NELL1: variants seen among roughly 807,000 people sequenced by gnomAD.
The protein encoded by NELL1 is protein kinase C-binding protein NELL1.
A neutral mutation model predicts 107.4 loss-of-function variants in NELL1; 76 were observed. The ratio of observed to expected loss-of-function variants is 0.71; its 90% CI spans 0.59 to 0.86. NELL1 has a LOEUF of 0.86. Among genes scored for constraint, NELL1 ranks in the 40% least tolerant of loss-of-function variants. NELL1 has a pLI of 0.00. For synonymous variants in NELL1, 353 were observed against 341.2 expected, an observed-to-expected ratio of 1.03 and a Z score of -0.38; for missense variants, 1,024 against 1,005.5, an observed-to-expected ratio of 1.02 and a Z score of -0.25.
chr11:21,439,249 A>T (rs1295032333), intron 15 of NELL1, among the ~76,000 whole-genome samples: 1 of 152,166 alleles, frequency 6.6e-6, no homozygotes, highest in Admixed American at 6.5e-5. Context: ...TGCTAACCAA[A>T]CTTCCAGTCT....
At chr11:21,164,574 T>A (rs1345227684) in intron 13 of NELL1, among the ~76,000 whole-genome samples, 1 of 152,232 alleles carries the variant, frequency 6.6e-6, no homozygotes, top group East Asian at 1.9e-4. Flanking sequence ...ACTACATTTT[T>A]AATCTATTAT....
At chr11:21,231,513 A>G (rs1858049622) in intron 14 of NELL1, among the ~76,000 whole-genome samples, 1 of 152,228 alleles carries the variant, frequency 6.6e-6, no homozygotes, top group Non-Finnish European at 1.5e-5. Context: ...TATCAAGCCC[A>G]CTGCTGGTAC....
chr11:20,756,337 T>A (rs954319609), intron 2 of NELL1, among the ~76,000 whole-genome samples: 3 of 151,404 alleles, frequency 2.0e-5, no homozygotes, highest in East Asian at 3.9e-4. Context: ...ATAATTCCTT[T>A]TTTATTTATT....
At chr11:21,422,099 G>A (rs991977222) in intron 15 of NELL1, among the ~76,000 whole-genome samples, 30 of 7,036 alleles carry the variant, frequency 4.3e-3, no homozygotes, top group African/African-American at 8.9e-3. Flanking sequence ...ACACATATGT[G>A]TGTGTGTGTG....
chr11:20,928,652 G>A (rs1850552593), intron 9 of NELL1, among the ~76,000 whole-genome samples, 173 bp downstream of exon 9: 1 of 152,068 alleles, frequency 6.6e-6, no homozygotes, highest in African/African-American at 2.4e-5. Context: ...CTTGCAATGT[G>A]GCAGACACTT....
intron 15 of NELL1, among the ~76,000 whole-genome samples, chr11:21,420,846 G>A (rs949209932): frequency 7.2e-5 from 11 of 152,142 alleles, no homozygotes; most frequent in Non-Finnish European, 1.3e-4. Context: ...TTATTTGGCA[G>A]TCTGGCACTT....
intron 14 of NELL1, among the ~76,000 whole-genome samples, chr11:21,281,636 A>G (rs1456622345): frequency 5.9e-5 from 9 of 152,156 alleles, no homozygotes; most frequent in Admixed American, 5.2e-4. Context: ...CTGACCCAGC[A>G]TAGTTCCAGT....
At chr11:20,689,047 A>G (rs1333189018) in intron 2 of NELL1, among the ~76,000 whole-genome samples, 2 of 151,950 alleles carry the variant, frequency 1.3e-5, no homozygotes, top group African/African-American at 2.4e-5. Flanking sequence ...TCATATGCTT[A>G]TTGGCCGCTT....
intron 12 of NELL1, among the ~76,000 whole-genome samples, chr11:21,047,043 T>C (rs537937419): frequency 4.1e-4 from 62 of 152,158 alleles, no homozygotes; most frequent in African/African-American, 1.5e-3. Flanking sequence ...GTTAAAAGCT[T>C]ATATTTGTTT....
chr11:21,364,137 G>A lies in NELL1; in HGVS notation c.1550-6716G>A, dbSNP rs7109211. Among the ~76,000 whole-genome samples the A allele has an allele frequency of 7.0e-3, 1,070 of 152,184 alleles. 7 individuals are homozygous for A. Among genetic ancestry groups the A allele is most frequent in the African/African-American group, 0.025 (1,024 of 41,522 alleles). ...TAATGTAAAAGACTTCAGGCCAGGCGTGGTGGCTCACGCCTGTAATCCCAG... is the reference window on the plus strand; with the variant it reads ...TAATGTAAAAGACTTCAGGCCAGGCATGGTGGCTCACGCCTGTAATCCCAG... On this transcript the variant is annotated intron_variant, in intron 14 of 19. Coordinates refer to ENST00000357134, the MANE Select transcript of NELL1 (RefSeq NM_006157.5).
At chr11:21,438,259 G>GTTTT (rs35035702) in intron 15 of NELL1, among the ~76,000 whole-genome samples, 1 of 150,464 alleles carries the variant, frequency 6.6e-6, no homozygotes, top group Non-Finnish European at 1.5e-5. Flanking sequence ...TTACATGACA[G>GTTTT]TTTTTTTGTT....
intron 3 of NELL1, among the ~76,000 whole-genome samples, chr11:20,833,718 T>G (rs541538301): frequency 6.6e-6 from 1 of 152,310 alleles, no homozygotes; most frequent in Admixed American, 6.5e-5. Context: ...GTCAATGGAC[T>G]TCCTGGGGAG....
intron 15 of NELL1, among the ~76,000 whole-genome samples, chr11:21,437,628 G>A (rs1853158428): frequency 6.6e-6 from 1 of 152,134 alleles, no homozygotes; most frequent in Admixed American, 6.5e-5. Context: ...CAAAATGCTG[G>A]GATTACAGGC....
chr11:21,217,632 C>A (rs1005008870), intron 13 of NELL1, among the ~76,000 whole-genome samples: 53 of 152,108 alleles, frequency 3.5e-4, no homozygotes, highest in African/African-American at 1.2e-3. Flanking sequence ...AGGAAAAGTG[C>A]CTTACATGCT....
intron 15 of NELL1, among the ~76,000 whole-genome samples, chr11:21,390,238 G>A (rs559503764): frequency 5.0e-4 from 75 of 151,386 alleles, no homozygotes; most frequent in African/African-American, 1.8e-3. Flanking sequence ...TTTATTTATT[G>A]TGCTACCTGT....
chr11:21,185,684 G>T (rs1856921103), intron 13 of NELL1, among the ~76,000 whole-genome samples: 1 of 151,774 alleles, frequency 6.6e-6, no homozygotes, highest in Non-Finnish European at 1.5e-5. Flanking sequence ...CTGCTTCCCA[G>T]CTCACAGGGT....
At chr11:21,211,210 A>C (rs1470799261) in intron 13 of NELL1, among the ~76,000 whole-genome samples, 1 of 152,202 alleles carries the variant, frequency 6.6e-6, no homozygotes, top group Non-Finnish European at 1.5e-5. Context: ...TCACTCAAGG[A>C]AATTAAAAGT....
At chr11:21,107,744 C>A (rs902219955) in intron 12 of NELL1, among the ~76,000 whole-genome samples, 2 of 152,144 alleles carry the variant, frequency 1.3e-5, no homozygotes, top group African/African-American at 4.8e-5. Context: ...GACAAAATAC[C>A]TGAATGTGTC....
At chr11:20,862,014 T>G (rs1372260650) in intron 4 of NELL1, among the ~76,000 whole-genome samples, 2 of 152,218 alleles carry the variant, frequency 1.3e-5, no homozygotes, top group Non-Finnish European at 2.9e-5. Context: ...TTTAGAAGTT[T>G]AGATAAAGCC....
Sources: allele counts gnomAD v4.1 joint callset (sites outside exome capture counted in the v4.1 genomes callset), GRCh38; gene constraint gnomAD v4.1.1; transcripts MANE v1.5; gene names NCBI Gene and HGNC (gene_info 2026-07-23, HGNC 2026-07-21).